The following SKA1 variants were observed in gnomAD, a reference collection of about 807,000 sequenced individuals.
SKA1 encodes spindle and kinetochore associated complex subunit 1, also known as SKA complex subunit 1.
A neutral mutation model predicts 31.8 loss-of-function variants in SKA1; 20 were observed. That is an observed-to-expected ratio of 0.63 (90% confidence interval 0.44 to 0.91). The LOEUF (loss-of-function observed/expected upper bound fraction) is 0.91. Ranked by LOEUF, SKA1 falls within the 40% of genes least tolerant of loss-of-function variation. SKA1 has a pLI of 0.00. For missense variants in SKA1, 253 were observed against 298.2 expected (o/e 0.85, Z 1.12); for synonymous variants, 88 against 100.5 (o/e 0.88, Z 0.74).
rs893102335 is a variant in SKA1 at position 50,391,109 on chromosome 18, T to C, written c.450-15T>C. 6.8e-7 allele frequency: 1 copy of C among 1,463,094 alleles called. No homozygotes were observed. The highest frequency in any genetic ancestry group is 2.4e-5 in the East Asian group (1 of 41,932). 90.6% of individuals were successfully genotyped at this position (1,463,094 alleles called of 1,614,324 possible). A position where few individuals can be genotyped will look rare whatever the true frequency, so the allele number is the denominator to read the frequency against. ...GATTCTTTAAAACAATAATTAGCCA[T>C]ATACTTTTTTACAGGTACATGAAAT... is the stretch of plus-strand genomic sequence containing the variant. On this transcript the variant is annotated splice_polypyrimidine_tract_variant and intron_variant, in intron 5 of 6. Transcript: ENST00000285116.
intron 2 of SKA1, among the ~76,000 whole-genome samples, chr18:50,377,041 CT>C (rs11424975): frequency 1.3e-5 from 2 of 149,392 alleles, no homozygotes; most frequent in Non-Finnish European, 3.0e-5. Flanking sequence ...TTACAGTTAA[CT>C]TTTTTTTTTT....
intron 2 of SKA1, among the ~76,000 whole-genome samples, chr18:50,379,648 C>G (rs1201759985): frequency 6.6e-6 from 1 of 152,142 alleles, no homozygotes; most frequent in African/African-American, 2.4e-5. Context: ...CTATTAAAAT[C>G]AAATATATTC....
At position 50,380,142 on chromosome 18, in the gene SKA1, G is replaced by A; in HGVS notation, c.105G>A (p.Leu35=). The A allele has an allele frequency of 6.5e-7, 1 of 1,534,990 alleles. No individual in the cohort carries two copies. Reference sequence around the variant, plus strand: ...TTATAACAGGCCAGGAACCTACCTTGAAAACTGTATTAAATAAAATAGGAG... The same window carrying A: ...TTATAACAGGCCAGGAACCTACCTTAAAAACTGTATTAAATAAAATAGGAG... ...SLRNCGQEPT[L]KTVLNKIGDE... is the part of the protein sequence containing the mutation. Residue 35 remains leucine (L), a synonymous_variant, in exon 3 of 7, where the codon TTG becomes TTA. Transcript: ENST00000285116.
chr18:50,380,218 C>T lies in SKA1; in HGVS notation c.181C>T (p.Gln61Ter), dbSNP rs748630272. 6.5e-7 allele frequency: 1 copy of T among 1,547,866 alleles called. No homozygotes were observed. Among genetic ancestry groups the T allele is most frequent in the South Asian group, 1.2e-5 (1 of 80,046 alleles). Residue 61 changes from glutamine to a stop codon, truncating the protein, a stop_gained, in exon 3 of 7, where the codon CAG (glutamine) becomes TAG (stop). Coordinates refer to ENST00000285116, the MANE Select transcript of SKA1 (RefSeq NM_145060.4). LOFTEE classifies it high-confidence loss of function. The part of the protein sequence containing the change: ...ELLNKLELEI[Q>*]YQEQTNNSLK... The stretch of plus-strand genomic sequence containing the variant: ...TCTAAATAAATTGGAATTGGAAATT[C>T]AGTATCAAGAACAAACCAACAATTC...
At chr18:50,384,526 C>T (rs915822003) in intron 4 of SKA1, among the ~76,000 whole-genome samples, 1 of 151,884 alleles carries the variant, frequency 6.6e-6, no homozygotes, top group Non-Finnish European at 1.5e-5. Context: ...AAAATGACTC[C>T]GCAATACACA....
At chr18:50,378,034 G>C (rs2041235102) in intron 2 of SKA1, among the ~76,000 whole-genome samples, 2 of 152,090 alleles carry the variant, frequency 1.3e-5, no homozygotes, top group South Asian at 4.1e-4. Context: ...GACAGTTTCT[G>C]TTTCTTGATT....
intron 4 of SKA1, among the ~76,000 whole-genome samples, chr18:50,384,378 G>A (rs141440168): frequency 1.8e-4 from 27 of 152,266 alleles, no homozygotes; most frequent in Middle Eastern, 6.8e-3. Flanking sequence ...ATCCCTGGCA[G>A]TTAAGGAACC....
At chr18:50,381,468 C>A (rs9304399) in intron 3 of SKA1, among the ~76,000 whole-genome samples, 104,300 of 152,044 alleles carry the variant, frequency 0.69, 35,938 homozygotes, top group East Asian at 0.81. Context: ...AGCCAACAAA[C>A]GCAATTTATG....
chr18:50,383,930 C>T (rs1179146682), intron 4 of SKA1, among the ~76,000 whole-genome samples: 3 of 152,162 alleles, frequency 2.0e-5, no homozygotes, highest in East Asian at 1.9e-4. Flanking sequence ...CAGCGTGCAG[C>T]GTGGCCGAGT....
At chr18:50,375,483 A>T (rs2041206922) in intron 1 of SKA1, among the ~76,000 whole-genome samples, 1 of 152,194 alleles carries the variant, frequency 6.6e-6, no homozygotes, top group African/African-American at 2.4e-5. Flanking sequence ...TTTTTAAAAA[A>T]TGTGTCCTTA....
In SKA1 at chr18:50,393,574, TAATGA is replaced by T. The variant is rs2041377923; in HGVS notation, c.*1330_*1334del. 1 of 152,224 alleles carries T rather than the reference TAATGA, an allele frequency of 6.6e-6. No homozygotes were observed. Among genetic ancestry groups the T allele is most frequent in the African/African-American group, 2.4e-5 (1 of 41,460 alleles). The allele number at this position is 152,224 out of a possible 1,614,324, so 9.4% of individuals were successfully genotyped here. A position where few individuals can be genotyped will look rare whatever the true frequency, so the allele number is the denominator to read the frequency against. ...ACACCAGTCTGTAAACTTCAACCTGTAATGAAAGTGTAATAAATGTACATTGAGTT... is the reference window on the plus strand; with the variant it reads ...ACACCAGTCTGTAAACTTCAACCTGTAAGTGTAATAAATGTACATTGAGTT... On this transcript the variant is annotated 3_prime_UTR_variant, in exon 7 of 7. Coordinates refer to ENST00000285116, the MANE Select transcript of SKA1 (RefSeq NM_145060.4).
chr18:50,384,891 G>GAAAAAAAAAAAAAAAAAAA (rs2041294055), intron 4 of SKA1, among the ~76,000 whole-genome samples: 2 of 107,476 alleles, frequency 1.9e-5, no homozygotes, highest in Non-Finnish European at 4.1e-5. Flanking sequence ...AAAAAAAAAA[G>GAAAAAAAAAAAAAAAAAAA]GAAAAAAAAA....
At chr18:50,384,651 AACAAT>A (rs2041288545) in intron 4 of SKA1, among the ~76,000 whole-genome samples, 1 of 130,640 alleles carries the variant, frequency 7.7e-6, no homozygotes, top group African/African-American at 3.8e-5. Flanking sequence ...AAGGGGTTAG[AACAAT>A]GAGATCACAT....
At chr18:50,380,027 C>T in intron 2 of SKA1, 99 bp from the exon 3 acceptor site, 3 of 1,041,710 alleles carry the variant, frequency 2.9e-6, no homozygotes, top group Non-Finnish European at 4.0e-6. Context: ...TTCCACCCCT[C>T]TCTAAGGTAC....
At chr18:50,377,105 AATAAC>A (rs1482737673) in intron 2 of SKA1, among the ~76,000 whole-genome samples, 1 of 152,196 alleles carries the variant, frequency 6.6e-6, no homozygotes, top group Admixed American at 6.5e-5. Context: ...TTGTATAGTA[AATAAC>A]ATAAACTAGT....
rs774619439 is a variant in SKA1 at position 50,391,172 on chromosome 18, A to G, written c.498A>G (p.Lys166=). The G allele has an allele frequency of 5.7e-6, 9 of 1,587,312 alleles. No individual in the cohort carries two copies. In the East Asian group the frequency reaches 2.0e-4, roughly 36 times the overall value. The change falls in exon 6 of 7, where the codon AAA becomes AAG. Residue 166 remains lysine (K), a synonymous_variant. Transcript: ENST00000285116. ...LTYNQINDVI[K]EINKAVISKY... is the part of the protein sequence containing the mutation. ...ATAATCAAATTAATGATGTTATTAA[A>G]GAAATCAACAAGGCAGTAATTAGTA...
At chr18:50,381,993 G>C (rs2041267521) in intron 3 of SKA1, 136 bp from the exon 4 acceptor site, 1 of 587,224 alleles carries the variant, frequency 1.7e-6, no homozygotes, top group Non-Finnish European at 3.0e-6. Flanking sequence ...CCAAGGTGCT[G>C]GGATTACAGG....
intron 2 of SKA1, among the ~76,000 whole-genome samples, chr18:50,378,296 TG>T (rs1002880455): frequency 1.3e-5 from 2 of 152,110 alleles, no homozygotes; most frequent in Admixed American, 6.5e-5. Context: ...TCATTTTGTA[TG>T]GGGGGATAAT....
In SKA1 at chr18:50,394,138, T is replaced by C. The variant is rs912775328; in HGVS notation, c.*1891T>C. 4 of 152,252 alleles carry C rather than the reference T, an allele frequency of 2.6e-5. No individual in the cohort carries two copies. The highest frequency in any genetic ancestry group is 4.8e-5 in the African/African-American group (2 of 41,450). The allele number at this position is 152,252 out of a possible 1,614,324, so 9.4% of individuals were successfully genotyped here. A position where few individuals can be genotyped will look rare whatever the true frequency, so the allele number is the denominator to read the frequency against. On this transcript the variant is annotated 3_prime_UTR_variant, in exon 7 of 7. Transcript: ENST00000285116. Reference sequence around the variant, plus strand: ...GGCTGTTGTTCATCTGTATCCTTTGTAGTAGCCTTAAAATAAACTGTTAAA... The same window carrying C: ...GGCTGTTGTTCATCTGTATCCTTTGCAGTAGCCTTAAAATAAACTGTTAAA...
Sources: gnomAD v4.1 joint callset for allele counts (sites outside exome capture counted in the v4.1 genomes callset) on GRCh38, gnomAD v4.1.1 for gene constraint, MANE v1.5 for transcripts, NCBI Gene and HGNC (gene_info 2026-07-23, HGNC 2026-07-21) for gene names.